Variants in NTRK2 observed in about 807,000 individuals in gnomAD.
NTRK2 encodes the protein neurotrophic receptor tyrosine kinase 2, also known as BDNF/NT-3 growth factors receptor.
Under a neutral mutation model 94.5 loss-of-function variants are expected in NTRK2, and 13 were observed. The ratio of observed to expected loss-of-function variants is 0.14; its 90% confidence interval spans 0.09 to 0.22. NTRK2 has a LOEUF of 0.22. NTRK2 is among the 10% of genes least tolerant of loss of function. The pLI is 1.00. For synonymous variants in NTRK2, 372 were observed against 407.4 expected (o/e 0.91, Z 1.05); for missense variants, 639 against 1,071.2 (o/e 0.60, Z 5.63).
At position 85,025,272 on chromosome 9, in the gene NTRK2, A is replaced by G. The variant is rs187343838; in HGVS notation, c.*3835A>G. Reference sequence around the variant, plus strand: ...AAGATACTTTTTGTAATGGTCCAGGAAAGGAACATTGCTTTCTTTTTGTCT... The same window carrying G: ...AAGATACTTTTTGTAATGGTCCAGGGAAGGAACATTGCTTTCTTTTTGTCT... On this transcript the variant is annotated 3_prime_UTR_variant, in exon 19 of 19. Coordinates refer to ENST00000277120, the MANE Select transcript of NTRK2 (RefSeq NM_006180.6). The G allele has an allele frequency of 1.7e-5, 4 of 233,266 alleles. No individual in the cohort carries two copies. The highest frequency in any genetic ancestry group is 3.4e-5 in the Non-Finnish European group (4 of 118,002). 14.4% of individuals were successfully genotyped at this position (233,266 alleles called of 1,614,324 possible). A position where few individuals can be genotyped will look rare whatever the true frequency, so the allele number is the denominator to read the frequency against.
chr9:84,898,864 G>A (rs533602201), intron 14 of NTRK2, among the ~76,000 whole-genome samples: 3 of 152,178 alleles, frequency 2.0e-5, no homozygotes, highest in Admixed American at 1.3e-4. Flanking sequence ...CACCACGCCC[G>A]GCTAGTTTTG....
chr9:84,796,173 C>T (rs913517682), intron 12 of NTRK2, among the ~76,000 whole-genome samples: 1 of 152,114 alleles, frequency 6.6e-6, no homozygotes, highest in African/African-American at 2.4e-5. Flanking sequence ...ATTAAGGTGG[C>T]TTAATGTTAT....
intron 15 of NTRK2, among the ~76,000 whole-genome samples, chr9:84,940,922 G>A (rs1416560035): frequency 5.3e-5 from 8 of 151,840 alleles, no homozygotes; most frequent in Admixed American, 2.0e-4. Flanking sequence ...TCCCTCTTCC[G>A]GTGCCTCCTT....
intron 9 of NTRK2, among the ~76,000 whole-genome samples, chr9:84,736,888 G>T (rs955452362): frequency 2.6e-5 from 4 of 152,196 alleles, no homozygotes; most frequent in African/African-American, 4.8e-5. Flanking sequence ...AATTTCAGGC[G>T]CTGAGTTCAG....
rs1564331840 is a variant in NTRK2, at chr9:84,811,785, T to A, written c.1397-49255T>A. 4 of 1,065,396 alleles carry A rather than the reference T, an allele frequency of 3.8e-6. No individual in the cohort carries two copies. The African/African-American group carries it at 6.6e-5, about 17-fold the overall frequency. The allele number at this position is 1,065,396 out of a possible 1,614,324, so 66.0% of individuals were successfully genotyped here. A position where few individuals can be genotyped will look rare whatever the true frequency, so the allele number is the denominator to read the frequency against. On this transcript the variant is annotated intron_variant, in intron 12 of 18. Coordinates refer to ENST00000277120, the MANE Select transcript of NTRK2 (RefSeq NM_006180.6). The stretch of plus-strand genomic sequence containing the variant: ...AGCCTTAGAGCTGTGGATTTCTGCA[T>A]CCCCCCTGAGTCTGACCCATGGACA...
At chr9:84,876,767 A>G (rs1403032326) in intron 14 of NTRK2, 3 of 1,061,496 alleles carry the variant, frequency 2.8e-6, no homozygotes, top group East Asian at 1.0e-4. Context: ...ACAATTATCA[A>G]TACATGTAGC....
intron 6 of NTRK2, among the ~76,000 whole-genome samples, chr9:84,718,514 C>T (rs185475696): frequency 1.4e-3 from 213 of 152,270 alleles, no homozygotes; most frequent in African/African-American, 4.9e-3. Context: ...CTGAGGTCTA[C>T]AGGCCAGTAC....
chr9:84,950,860 G>T (rs1265172209), intron 16 of NTRK2, among the ~76,000 whole-genome samples: 2 of 152,102 alleles, frequency 1.3e-5, no homozygotes, highest in Non-Finnish European at 2.9e-5. Context: ...TCTTCATTTT[G>T]GTTGAGAGAT....
chr9:84,854,306 C>G (rs914698821), intron 12 of NTRK2, among the ~76,000 whole-genome samples: 4 of 152,064 alleles, frequency 2.6e-5, no homozygotes, highest in African/African-American at 9.7e-5. Flanking sequence ...GATAATGTAT[C>G]CATTACAGAC....
intron 12 of NTRK2, among the ~76,000 whole-genome samples, chr9:84,798,350 C>T (rs1020611173): frequency 6.6e-5 from 10 of 152,294 alleles, no homozygotes; most frequent in Admixed American, 2.6e-4. Context: ...AGGACACACA[C>T]ATTCAGACCA....
At chr9:84,732,520 T>C (rs1287854498) in intron 9 of NTRK2, among the ~76,000 whole-genome samples, 2 of 152,212 alleles carry the variant, frequency 1.3e-5, no homozygotes, top group Non-Finnish European at 2.9e-5. Context: ...TTTCTGCTTT[T>C]GATTGAGTGA....
intron 2 of NTRK2, among the ~76,000 whole-genome samples, chr9:84,677,890 C>A (rs1273382862): frequency 2.0e-5 from 3 of 152,144 alleles, no homozygotes; most frequent in Admixed American, 6.5e-5. Flanking sequence ...GATTTGGTTG[C>A]CTTTGGTAAT....
chr9:84,987,248 G>T (rs900795281), intron 17 of NTRK2, among the ~76,000 whole-genome samples: 2 of 152,160 alleles, frequency 1.3e-5, no homozygotes, highest in African/African-American at 4.8e-5. Flanking sequence ...TTCTGGTCAA[G>T]AATTGGTTTG....
chr9:85,007,782 T>C (rs1014997228), intron 17 of NTRK2, among the ~76,000 whole-genome samples: 1 of 152,244 alleles, frequency 6.6e-6, no homozygotes. Flanking sequence ...TGATATGGCC[T>C]CTTTATCCCT....
intron 14 of NTRK2, among the ~76,000 whole-genome samples, chr9:84,900,355 C>T (rs2076890212): frequency 6.6e-6 from 1 of 152,184 alleles, no homozygotes; most frequent in South Asian, 2.1e-4. Flanking sequence ...GACTCTGTTT[C>T]TACCCTTAAC....
At chr9:84,861,644 G>GA (rs1482155834) in intron 13 of NTRK2, among the ~76,000 whole-genome samples, 1 of 152,182 alleles carries the variant, frequency 6.6e-6, no homozygotes, top group Non-Finnish European at 1.5e-5. Context: ...CTTACCAAGT[G>GA]AATGCAGATG....
At chr9:84,839,207 T>A (rs1351792014) in intron 12 of NTRK2, among the ~76,000 whole-genome samples, 3 of 152,212 alleles carry the variant, frequency 2.0e-5, no homozygotes, top group African/African-American at 4.8e-5. Context: ...GCTTGTCCAA[T>A]AATTTCTCAT....
chr9:84,902,439 T>C (rs1442628576), intron 14 of NTRK2, among the ~76,000 whole-genome samples: 1 of 152,018 alleles, frequency 6.6e-6, no homozygotes, highest in Non-Finnish European at 1.5e-5. Flanking sequence ...AGAGGGGAGG[T>C]GAAAATCTTT....
At chr9:84,895,987 G>T (rs1020142105) in intron 14 of NTRK2, among the ~76,000 whole-genome samples, 5 of 152,092 alleles carry the variant, frequency 3.3e-5, no homozygotes, top group African/African-American at 1.2e-4. Context: ...TAGGATCTTT[G>T]GCCACCCCAC....
Sources: allele counts gnomAD v4.1 joint callset (sites outside exome capture counted in the v4.1 genomes callset), GRCh38; gene constraint gnomAD v4.1.1; transcripts MANE v1.5; gene names NCBI Gene and HGNC (gene_info 2026-07-23, HGNC 2026-07-21).